The following DCC variants were observed in gnomAD, a reference collection of about 807,000 sequenced individuals.
DCC encodes the protein DCC netrin 1 receptor.
DCC carries 58 observed loss-of-function variants against 172.5 expected under a neutral mutation model. That is an observed-to-expected ratio of 0.34 (90% CI 0.27 to 0.42). The LOEUF (loss-of-function observed/expected upper bound fraction) is 0.42. DCC is among the 10% of genes least tolerant of loss of function. The probability of loss-of-function intolerance (pLI) is 1.00; values close to 1 mark genes in which losing one functional copy is unlikely to be tolerated. For synonymous variants in DCC, 709 were observed against 644.5 expected (o/e 1.10, Z -1.52); for missense variants, 1,740 against 1,791.0 (o/e 0.97, Z 0.51).
At chr18:53,101,269 T>C (rs142172288) in intron 7 of DCC, among the ~76,000 whole-genome samples, 31 of 152,238 alleles carry the variant, frequency 2.0e-4, no homozygotes, top group African/African-American at 7.2e-4. Context: ...GACCTATATG[T>C]GCACTTGGCA....
At chr18:52,775,567 G>A (rs1484932475) in intron 2 of DCC, among the ~76,000 whole-genome samples, 1 of 152,174 alleles carries the variant, frequency 6.6e-6, no homozygotes, top group Non-Finnish European at 1.5e-5. Context: ...CCAGAGTTGG[G>A]CTGCTGGGTG....
In DCC at chr18:52,349,643, T is replaced by C. The variant is rs553991842; in HGVS notation, c.91+8765T>C. 9.2e-5 allele frequency among the ~76,000 whole-genome samples: 14 copies of C among 152,322 alleles called. No individual in the cohort carries two copies. In the South Asian group the frequency reaches 2.9e-3, roughly 32 times the overall value. ...CAATTCATCTGAGATAGTCCTGTTC[T>C]AAATGTTCTTTCCATTACCCTTGTC... On this transcript the variant is annotated intron_variant, in intron 1 of 28. Coordinates refer to ENST00000442544, the MANE Select transcript of DCC (RefSeq NM_005215.4).
chr18:52,463,943 AGTATT>A (rs1988706563), intron 1 of DCC, among the ~76,000 whole-genome samples: 1 of 152,238 alleles, frequency 6.6e-6, no homozygotes, highest in African/African-American at 2.4e-5. Context: ...ACAATCCTTC[AGTATT>A]GTAGTCTTTA....
intron 1 of DCC, among the ~76,000 whole-genome samples, chr18:52,409,629 T>A (rs1180175378): frequency 6.6e-6 from 1 of 152,140 alleles, no homozygotes; most frequent in Non-Finnish European, 1.5e-5. Flanking sequence ...CAGTGACATG[T>A]GGGAACAAAG....
At chr18:52,946,830 G>A (rs2040553789) in intron 5 of DCC, among the ~76,000 whole-genome samples, 1 of 152,126 alleles carries the variant, frequency 6.6e-6, no homozygotes, top group African/African-American at 2.4e-5. Context: ...CAAAATTAGG[G>A]TAAGGCAGGT....
At chr18:52,852,120 TAA>T (rs2038984451) in intron 2 of DCC, among the ~76,000 whole-genome samples, 1 of 152,156 alleles carries the variant, frequency 6.6e-6, no homozygotes, top group African/African-American at 2.4e-5. Flanking sequence ...GGCTGAATTA[TAA>T]AAATAAATTT....
At chr18:53,416,443 T>G (rs747460774) in intron 21 of DCC, 1 of 564,554 alleles carries the variant, frequency 1.8e-6, no homozygotes, top group Non-Finnish European at 3.2e-6. Flanking sequence ...CTGTCTGCAC[T>G]TCTGAATAAT....
intron 1 of DCC, among the ~76,000 whole-genome samples, chr18:52,548,760 T>G (rs541277095): frequency 1.9e-4 from 29 of 152,228 alleles, no homozygotes; most frequent in African/African-American, 7.0e-4. Flanking sequence ...GATGGAATAT[T>G]TGGGGTCTCA....
chr18:52,792,301 C>T (rs1252472209), intron 2 of DCC, among the ~76,000 whole-genome samples: 1 of 152,140 alleles, frequency 6.6e-6, no homozygotes, highest in African/African-American at 2.4e-5. Flanking sequence ...AAGATTATTT[C>T]CCTGAATTGT....
At chr18:53,514,871 C>G (rs1242671118) in intron 27 of DCC, among the ~76,000 whole-genome samples, 2 of 151,860 alleles carry the variant, frequency 1.3e-5, no homozygotes, top group Admixed American at 6.5e-5. Flanking sequence ...ACCAGAGGTA[C>G]AAGGAGGAAC....
chr18:52,582,391 G>A (rs1251969571), intron 1 of DCC, among the ~76,000 whole-genome samples: 1 of 152,126 alleles, frequency 6.6e-6, no homozygotes, highest in African/African-American at 2.4e-5. Flanking sequence ...GAATTATGAG[G>A]CTTAATGGCA....
chr18:53,410,550 C>G lies in DCC; in HGVS notation c.3034C>G (p.Leu1012Val). ...TAGGCTTACTCATCAAATCATGGAT[C>G]TCAACCTTGATACTATGTATTACTT... ...GDRLTHQIMD[L>V]NLDTMYYFRI... Residue 1012 changes from leucine (L) to valine (V), a missense_variant, in exon 20 of 29, where the codon CTC becomes GTC. Physicochemically the swap from Leu to Val is conservative, Grantham distance 32. This residue lies in a region of DCC where 1,732 missense variants were observed against 1,767.4 expected (regional missense o/e 0.98). Transcript: ENST00000442544. 1 of 1,604,090 alleles carries G rather than the reference C, an allele frequency of 6.2e-7. No individual in the cohort carries two copies. Among genetic ancestry groups the G allele is most frequent in the African/African-American group, 1.3e-5 (1 of 74,846 alleles).
intron 8 of DCC, among the ~76,000 whole-genome samples, chr18:53,170,498 A>G (rs548839760): frequency 1.3e-5 from 2 of 152,324 alleles, no homozygotes; most frequent in East Asian, 1.9e-4. Context: ...CTATGTGATT[A>G]TATCTCTCAT....
intron 12 of DCC, among the ~76,000 whole-genome samples, chr18:53,259,302 A>G (rs1042820819): frequency 1.3e-5 from 2 of 151,974 alleles, no homozygotes; most frequent in African/African-American, 4.8e-5. Context: ...TTTCTTCCTA[A>G]CCTTGATGGT....
At chr18:52,357,094 C>T (rs1382736170) in intron 1 of DCC, among the ~76,000 whole-genome samples, 1 of 152,160 alleles carries the variant, frequency 6.6e-6, no homozygotes, top group African/African-American at 2.4e-5. Flanking sequence ...TCTGGCTTAA[C>T]CCATGTACTC....
chr18:52,702,389 A>C (rs9946552), intron 1 of DCC, among the ~76,000 whole-genome samples: 3 of 152,104 alleles, frequency 2.0e-5, no homozygotes, highest in Non-Finnish European at 4.4e-5. Context: ...CAAAACTAGA[A>C]TCATGACCAG....
intron 1 of DCC, among the ~76,000 whole-genome samples, chr18:52,447,486 A>T (rs535212135): frequency 1.5e-4 from 23 of 152,206 alleles, no homozygotes; most frequent in Non-Finnish European, 2.8e-4. Flanking sequence ...GGTGACTGGA[A>T]CAGGCTTCAC....
chr18:52,599,910 C>T (rs569754220), intron 1 of DCC, among the ~76,000 whole-genome samples: 5 of 152,132 alleles, frequency 3.3e-5, no homozygotes, highest in Admixed American at 2.0e-4. Context: ...TGTTATCGCC[C>T]CTGTTCTAAC....
intron 5 of DCC, among the ~76,000 whole-genome samples, chr18:52,957,474 G>A (rs1040016234): frequency 6.6e-6 from 1 of 152,066 alleles, no homozygotes; most frequent in Non-Finnish European, 1.5e-5. Flanking sequence ...AGAGAAGAGT[G>A]TTTTTAACAA....
Sources: allele counts gnomAD v4.1 joint callset (sites outside exome capture counted in the v4.1 genomes callset), GRCh38; gene constraint gnomAD v4.1.1; regional missense constraint gnomAD v4.1.1; transcripts MANE v1.5; gene names NCBI Gene and HGNC (gene_info 2026-07-23, HGNC 2026-07-21).